ZNF831: variants seen among roughly 807,000 people sequenced by gnomAD.
ZNF831 encodes the protein chromosome 20 open reading frame 174.
Under a neutral mutation model 95.8 loss-of-function variants are expected in ZNF831, and 59 were observed. That is an observed-to-expected ratio of 0.62 (90% confidence interval 0.50 to 0.77). The LOEUF (loss-of-function observed/expected upper bound fraction) is 0.77, where lower values mean the gene tolerates loss of function less well. Among genes scored for constraint, ZNF831 ranks in the 30% least tolerant of loss-of-function variants. The probability of loss-of-function intolerance (pLI) is 0.00; values close to 1 mark genes in which losing one functional copy is unlikely to be tolerated. For synonymous variants in ZNF831, 961 were observed against 925.5 expected (o/e 1.04, Z -0.70); for missense variants, 2,205 against 2,164.0 (o/e 1.02, Z -0.38).
intron 1 of ZNF831, among the ~76,000 whole-genome samples, chr20:59,142,873 T>G (rs1979725338): frequency 6.6e-6 from 1 of 152,224 alleles, no homozygotes. Context: ...GACTATGAAC[T>G]CCTTGAAGTC....
At chr20:59,180,569 C>A (rs999517769) in intron 1 of ZNF831, among the ~76,000 whole-genome samples, 4 of 152,132 alleles carry the variant, frequency 2.6e-5, no homozygotes, top group Admixed American at 6.5e-5. Context: ...GTTCCCCTCC[C>A]TGTGTACATG....
At position 59,206,964 on chromosome 20, in the gene ZNF831, C is replaced by G; in HGVS notation, c.3935C>G (p.Pro1312Arg). 6.2e-7 allele frequency: 1 copy of G among 1,614,158 alleles called. No individual in the cohort carries two copies. Among genetic ancestry groups the G allele is most frequent in the South Asian group, 1.1e-5 (1 of 91,074 alleles). Residue 1312 changes from proline to arginine, a missense_variant, in exon 4 of 6, where the codon CCA (proline) becomes CGA (arginine). Coordinates refer to ENST00000371030, the MANE Select transcript of ZNF831 (RefSeq NM_178457.3). ...CTGAGAGCCAGTAGACTTCGCACAC[C>G]AACCTGGGTGCGAAGAAGAAGCCGC... ...VQLRASRLRT[P>R]TWVRRRSRHP...
At chr20:59,153,002 G>A (rs1980331922) in intron 2 of ZNF831, among the ~76,000 whole-genome samples, 1 of 152,198 alleles carries the variant, frequency 6.6e-6, no homozygotes, top group South Asian at 2.1e-4. Context: ...TGGTGGAGAA[G>A]GCTTTGCATG....
intron 1 of ZNF831, among the ~76,000 whole-genome samples, chr20:59,189,012 C>T (rs1774951980): frequency 6.6e-6 from 1 of 151,904 alleles, no homozygotes; most frequent in Non-Finnish European, 1.5e-5. Context: ...GAAACCTGGT[C>T]TCTACTAAAA....
chr20:59,221,156 A>G (rs892294410), intron 4 of ZNF831, among the ~76,000 whole-genome samples: 10 of 152,164 alleles, frequency 6.6e-5, no homozygotes, highest in African/African-American at 2.4e-4. Flanking sequence ...GTGAGCATAC[A>G]CTGAATTTTC....
intron 4 of ZNF831, among the ~76,000 whole-genome samples, chr20:59,245,581 G>A (rs1423402764): frequency 6.6e-6 from 1 of 152,174 alleles, no homozygotes; most frequent in Non-Finnish European, 1.5e-5. Flanking sequence ...AACATGCCAG[G>A]AGCATCCCCT....
chr20:59,222,271 G>T (rs1458275536), intron 4 of ZNF831, among the ~76,000 whole-genome samples: 1 of 152,206 alleles, frequency 6.6e-6, no homozygotes, highest in Admixed American at 6.5e-5. Flanking sequence ...CCTCGGGAAG[G>T]CTGCAGGGTG....
At chr20:59,147,107 A>G (rs1227925333) in intron 2 of ZNF831, 1 of 152,326 alleles carries the variant, frequency 6.6e-6, no homozygotes, top group Non-Finnish European at 1.5e-5. Context: ...AAGGAGAGGA[A>G]AAAGGAAGAA....
At chr20:59,252,540 G>T (rs189986883) in intron 4 of ZNF831, among the ~76,000 whole-genome samples, 51 of 152,248 alleles carry the variant, frequency 3.3e-4, no homozygotes, top group African/African-American at 1.2e-3. Flanking sequence ...TTGCTGCCCA[G>T]CACTCTAGTG....
chr20:59,165,007 C>T (rs1005744644), intron 1 of ZNF831, among the ~76,000 whole-genome samples: 1 of 152,152 alleles, frequency 6.6e-6, no homozygotes, highest in Non-Finnish European at 1.5e-5. Context: ...TGCCTTTTAA[C>T]CACCCTCGCT....
intron 4 of ZNF831, among the ~76,000 whole-genome samples, chr20:59,236,133 T>G (rs1011679705): frequency 2.6e-5 from 4 of 152,230 alleles, no homozygotes; most frequent in African/African-American, 9.6e-5. Flanking sequence ...AAATTCATTC[T>G]TCCTTCCTGT....
In ZNF831 at chr20:59,132,883, A is replaced by T. The variant is rs547073517; in HGVS notation, c.-1425+9378A>T. ...GAGGCTCCACTCTGCTGAGGCTCCCAAGGCCTGACAGTGGCCCATTACACT... is the reference window on the plus strand; with the variant it reads ...GAGGCTCCACTCTGCTGAGGCTCCCTAGGCCTGACAGTGGCCCATTACACT... On this transcript the variant is annotated intron_variant, in intron 1 of 7. Transcript: ENST00000637017. Among the ~76,000 whole-genome samples the T allele has an allele frequency of 9.8e-5, 15 of 152,354 alleles. No individual in the cohort carries two copies. In the East Asian group the frequency reaches 2.9e-3, roughly 29 times the overall value.
chr20:59,203,696 C>T (rs1247276960), intron 3 of ZNF831, among the ~76,000 whole-genome samples: 1 of 152,130 alleles, frequency 6.6e-6, no homozygotes, highest in Admixed American at 6.5e-5. Context: ...TTTCATTCTG[C>T]TTTCATTCAT....
chr20:59,190,872 G>GGGATT (rs746098671), intron 1 of ZNF831, 112 bp from the exon 2 acceptor site: 36 of 922,422 alleles, frequency 3.9e-5, no homozygotes, highest in Non-Finnish European at 5.0e-5. Flanking sequence ...CATTCCTTAG[G>GGGATT]GGATTGTCAG....
At chr20:59,222,069 G>A (rs1286965382) in intron 4 of ZNF831, among the ~76,000 whole-genome samples, 2 of 152,176 alleles carry the variant, frequency 1.3e-5, no homozygotes, top group Non-Finnish European at 2.9e-5. Context: ...TCCCTTAACT[G>A]CGCTGTTTTC....
At chr20:59,148,026 A>G (rs1157609789) in intron 2 of ZNF831, among the ~76,000 whole-genome samples, 1 of 152,238 alleles carries the variant, frequency 6.6e-6, no homozygotes, top group Non-Finnish European at 1.5e-5. Context: ...AAGTATGACT[A>G]CATCATGGAC....
rs1221122503 is a variant in ZNF831, at chr20:59,256,256, T to A, written c.*1513T>A. On this transcript the variant is annotated 3_prime_UTR_variant, in exon 6 of 6. Coordinates refer to ENST00000371030, the MANE Select transcript of ZNF831 (RefSeq NM_178457.3). ...ATTTTGGTGTTTTTCATAGAAAACT[T>A]CAATGCCAGACCAGCTTCCCTGGTT... 6.6e-6 allele frequency: 1 copy of A among 152,236 alleles called. No homozygotes were observed. The highest frequency in any genetic ancestry group is 2.4e-5 in the African/African-American group (1 of 41,460). 9.4% of individuals were successfully genotyped at this position (152,236 alleles called of 1,614,324 possible).
chr20:59,135,672 A>C (rs1979487147), intron 1 of ZNF831, among the ~76,000 whole-genome samples: 1 of 152,270 alleles, frequency 6.6e-6, no homozygotes, highest in East Asian at 1.9e-4. Flanking sequence ...CGGAGCTGGC[A>C]GTGAGCCGAG....
chr20:59,159,592 TGAG>T (rs1980735058), upstream of ZNF831: 1 of 152,162 alleles, frequency 6.6e-6, no homozygotes, highest in African/African-American at 2.4e-5. Context: ...GTCGCACATC[TGAG>T]GAGTGTTACT....
Sources: gnomAD v4.1 joint callset for allele counts (sites outside exome capture counted in the v4.1 genomes callset) on GRCh38, gnomAD v4.1.1 for gene constraint, MANE v1.5 for transcripts, NCBI Gene and HGNC (gene_info 2026-07-23, HGNC 2026-07-21) for gene names.